Variants in POP1 observed in about 807,000 individuals in gnomAD.
POP1 encodes ribonucleases P/MRP protein subunit POP1.
In POP1, 75 loss-of-function variants were observed where a neutral mutation model predicts 102.2. The ratio of observed to expected loss-of-function variants is 0.73; its 90% CI spans 0.61 to 0.89. The LOEUF (loss-of-function observed/expected upper bound fraction) is 0.89, where lower values mean the gene tolerates loss of function less well. Among genes scored for constraint, POP1 ranks in the 40% least tolerant of loss-of-function variants. POP1 has a pLI of 0.00. For missense variants in POP1, 1,116 were observed against 1,267.4 expected (o/e 0.88, Z 1.81); for synonymous variants, 436 against 464.1 (o/e 0.94, Z 0.78).
chr8:98,128,533 A>G lies in POP1; in HGVS notation c.479A>G (p.Gln160Arg). The G allele has an allele frequency of 3.1e-6, 5 of 1,613,974 alleles. No homozygotes were observed. Among genetic ancestry groups the G allele is most frequent in the Non-Finnish European group, 4.2e-6 (5 of 1,179,842 alleles). The change falls in exon 4 of 16, where the codon CAG (glutamine) becomes CGG (arginine). Residue 160 changes from glutamine (Q) to arginine (R), a missense_variant. Physicochemically the swap from Gln to Arg is conservative, Grantham distance 43 (BLOSUM62 1). Coordinates refer to ENST00000401707, the MANE Select transcript of POP1 (RefSeq NM_001145860.2). The part of the protein sequence containing the change: ...RLPRRLQEIA[Q>R]KEAEKAVHQK... ...CCCAGACGGTTACAGGAGATTGCCC[A>G]GAAAGAGGTAGGAGTTCCACTTAGT...
At chr8:98,139,241 T>G (rs1313689937) in intron 9 of POP1, among the ~76,000 whole-genome samples, 2 of 152,226 alleles carry the variant, frequency 1.3e-5, no homozygotes, top group Non-Finnish European at 2.9e-5. Context: ...TTGCCATGCA[T>G]GTGATACTTG....
chr8:98,149,408 C>T (rs1809459189), intron 13 of POP1, among the ~76,000 whole-genome samples: 1 of 152,078 alleles, frequency 6.6e-6, no homozygotes, highest in African/African-American at 2.4e-5. Context: ...TTATCAACTG[C>T]AGCTAAAAAT....
At chr8:98,150,342 A>G (rs2130626109) in intron 13 of POP1, 143 bp from the exon 14 acceptor site, 2 of 853,322 alleles carry the variant, frequency 2.3e-6, no homozygotes, top group East Asian at 5.1e-5. Context: ...CATTTTTACT[A>G]TTGCATGGTA....
At position 98,125,190 on chromosome 8, in the gene POP1, T is replaced by G. The variant is rs552175635; in HGVS notation, c.142+1711T>G. On this transcript the variant is annotated intron_variant, in intron 2 of 15. Transcript: ENST00000401707. ...TTAATTTACAGACAGTTTTTTTTTT[T>G]TTTTTTTTTTTTTGAGGCAGAGTCT... 7.5e-5 allele frequency among the ~76,000 whole-genome samples: 11 copies of G among 147,220 alleles called. No individual in the cohort carries two copies. The East Asian group carries it at 2.0e-3, about 26-fold the overall frequency.
intron 5 of POP1, among the ~76,000 whole-genome samples, chr8:98,132,483 T>C (rs915925989): frequency 6.6e-6 from 1 of 152,238 alleles, no homozygotes; most frequent in Non-Finnish European, 1.5e-5. Flanking sequence ...TGACATGCGT[T>C]GTCAGAATCA....
rs2130584460 is a variant in POP1, at chr8:98,127,594, G to A, written c.143-1G>A. 6.2e-7 allele frequency: 1 copy of A among 1,614,014 alleles called. No homozygotes were observed. Among genetic ancestry groups the A allele is most frequent in the South Asian group, 1.1e-5 (1 of 91,066 alleles). ...CATGTTTCTTTTTGAAAATATACTA[G>A]AGCCTCATCCTGGAACTTCACGACA... On this transcript the variant is annotated splice_acceptor_variant, in intron 2 of 15. Coordinates refer to ENST00000401707, the MANE Select transcript of POP1 (RefSeq NM_001145860.2). LOFTEE classifies it high-confidence loss of function.
At position 98,134,537 on chromosome 8, in the gene POP1, G is replaced by A. The variant is rs755965567; in HGVS notation, c.889G>A (p.Val297Met). 3 of 1,614,204 alleles carry A rather than the reference G, an allele frequency of 1.9e-6. No individual in the cohort carries two copies. The highest frequency in any genetic ancestry group is 2.2e-5 in the East Asian group (1 of 44,890). ...KRQGSLVLYR[V>M]NKYPREMLGP... ...CCAAGGGAGCCTTGTGCTTTATCGGGTGAATAAATATCCCAGAGAAATGCT... is the reference window on the plus strand; with the variant it reads ...CCAAGGGAGCCTTGTGCTTTATCGGATGAATAAATATCCCAGAGAAATGCT... The change falls in exon 7 of 16, where the codon GTG becomes ATG. Residue 297 changes from valine to methionine, a missense_variant. Coordinates refer to ENST00000401707, the MANE Select transcript of POP1 (RefSeq NM_001145860.2).
intron 1 of POP1, among the ~76,000 whole-genome samples, chr8:98,120,105 G>A (rs1052979091): frequency 6.6e-6 from 1 of 152,180 alleles, no homozygotes; most frequent in African/African-American, 2.4e-5. Flanking sequence ...AGCCTTGCTG[G>A]TGAGTTCTGA....
At chr8:98,127,311 C>T (rs1021426993) in intron 2 of POP1, among the ~76,000 whole-genome samples, 2 of 152,026 alleles carry the variant, frequency 1.3e-5, no homozygotes, top group Non-Finnish European at 2.9e-5. Flanking sequence ...CATGTTGCAC[C>T]GTTTATAGGA....
At chr8:98,128,992 A>T (rs1278362891) in intron 4 of POP1, among the ~76,000 whole-genome samples, 2 of 152,106 alleles carry the variant, frequency 1.3e-5, no homozygotes, top group Non-Finnish European at 2.9e-5. Flanking sequence ...ATTTGATTTA[A>T]TCATTATCCA....
Position 98,148,994 on chromosome 8 carries a change from C to T in POP1, c.1890C>T (p.Phe630=), listed in dbSNP as rs768475789. Residue 630 remains phenylalanine (F), a synonymous_variant, in exon 13 of 16, where the codon TTC becomes TTT. Transcript: ENST00000401707. ...TCCCAAAGGGCTGGGGCATGGCTTT[C>T]TGGATTCCATTTGTAAGTTACTTTT... ...VLLPKGWGMA[F]WIPFIYRGVR... is the part of the protein sequence containing the mutation. 8.7e-6 allele frequency: 14 copies of T among 1,612,730 alleles called. No homozygotes were observed. In the South Asian group the frequency reaches 1.5e-4, roughly 18 times the overall value.
chr8:98,153,032 C>A (rs552813971), intron 14 of POP1, among the ~76,000 whole-genome samples: 4 of 151,944 alleles, frequency 2.6e-5, no homozygotes, highest in African/African-American at 9.7e-5. Context: ...TGCAGTGGTG[C>A]GATCATAGCT....
Position 98,133,854 on chromosome 8 carries a change from G to A in POP1, c.736-95G>A, listed in dbSNP as rs914545281. 2.1e-5 allele frequency: 18 copies of A among 876,042 alleles called. No homozygotes were observed. The African/African-American group carries it at 3.0e-4, about 14-fold the overall frequency. The allele number at this position is 876,042 out of a possible 1,614,324, so 54.3% of individuals were successfully genotyped here. ...CTTTAGCAATTTGTTTTGTGTCTTA[G>A]GCCTCTAAAGGTTTTGTGATACGGC... On this transcript the variant is annotated intron_variant, in intron 5 of 15. Coordinates refer to ENST00000401707, the MANE Select transcript of POP1 (RefSeq NM_001145860.2).
intron 2 of POP1, among the ~76,000 whole-genome samples, chr8:98,125,895 A>G (rs1816188822): frequency 6.6e-6 from 1 of 151,990 alleles, no homozygotes; most frequent in Admixed American, 6.6e-5. Context: ...ACCCATGCTG[A>G]AGGGTAATGG....
Position 98,153,531 on chromosome 8 carries a change from C to CCCTTTTTTTTTTTTTTTTTTT in POP1, c.2058-2519_2058-2518insCCTTTTTTTTTTTTTTTTTTT, listed in dbSNP as rs1430760385. Reference sequence around the variant, plus strand: ...CAACTAGATTTACAAACAGTTCTGACTCTTTTTTTTTTTTTTTTTTTTTTT... The same window carrying CCCTTTTTTTTTTTTTTTTTTT: ...CAACTAGATTTACAAACAGTTCTGACCCTTTTTTTTTTTTTTTTTTTTCTTTTTTTTTTTTTTTTTTTTTTT... On this transcript the variant is annotated intron_variant, in intron 14 of 15. Transcript: ENST00000401707. 2.5e-5 allele frequency among the ~76,000 whole-genome samples: 2 copies of CCCTTTTTTTTTTTTTTTTTTT among 81,236 alleles called. 1 individual carries two copies. Among genetic ancestry groups the CCCTTTTTTTTTTTTTTTTTTT allele is most frequent in the Non-Finnish European group, 4.5e-5 (2 of 44,502 alleles). The allele number at this position is 81,236 out of a possible 152,430, so 53.3% of individuals were successfully genotyped here. A position where few individuals can be genotyped will look rare whatever the true frequency, so the allele number is the denominator to read the frequency against.
In POP1 at chr8:98,136,507, C is replaced by T. The variant is rs767629124; in HGVS notation, c.1037C>T (p.Ala346Val). The change falls in exon 8 of 16, where the codon GCG becomes GTG. Residue 346 changes from alanine to valine, a missense_variant. By Grantham distance (64) the Ala-to-Val change is moderately conservative. Coordinates refer to ENST00000401707, the MANE Select transcript of POP1 (RefSeq NM_001145860.2). ...KQDILEEIKA[A>V]CQCVEPIKSA... The stretch of plus-strand genomic sequence containing the variant: ...GATATCTTAGAGGAAATAAAAGCAG[C>T]GTGCCAGTGTGTGGAACCCATCAAA... 33 of 1,612,314 alleles carry T rather than the reference C, an allele frequency of 2.0e-5. No individual in the cohort carries two copies. The highest frequency in any genetic ancestry group is 1.5e-4 in the Admixed American group (9 of 59,818).
At chr8:98,135,839 A>G (rs1210733255) in intron 7 of POP1, among the ~76,000 whole-genome samples, 1 of 151,874 alleles carries the variant, frequency 6.6e-6, no homozygotes, top group African/African-American at 2.4e-5. Flanking sequence ...AGCTTAGACT[A>G]CAGGGGTGCA....
At chr8:98,117,676 T>C (rs1291051116) in intron 1 of POP1, among the ~76,000 whole-genome samples, 2 of 152,118 alleles carry the variant, frequency 1.3e-5, no homozygotes, top group African/African-American at 4.8e-5. Flanking sequence ...AAATGACTAA[T>C]ATGGGTCATT....
At chr8:98,133,370 G>GCAA (rs1172756838) in intron 5 of POP1, among the ~76,000 whole-genome samples, 5 of 152,116 alleles carry the variant, frequency 3.3e-5, no homozygotes, top group Non-Finnish European at 7.3e-5. Flanking sequence ...TTTGTACTGT[G>GCAA]CTTAAAGTTG....
Sources: allele counts gnomAD v4.1 joint callset (sites outside exome capture counted in the v4.1 genomes callset), GRCh38; gene constraint gnomAD v4.1.1; transcripts MANE v1.5; gene names NCBI Gene and HGNC (gene_info 2026-07-23, HGNC 2026-07-21).